The following ADAMTS19 variants were observed in gnomAD, a reference collection of about 807,000 sequenced individuals.
ADAMTS19 encodes ADAM metallopeptidase with thrombospondin type 1 motif 19.
Under a neutral mutation model 153.3 loss-of-function variants are expected in ADAMTS19, and 93 were observed. The ratio of observed to expected loss-of-function variants is 0.61; its 90% CI spans 0.51 to 0.72. The LOEUF is 0.72. Ranked by LOEUF, ADAMTS19 falls within the 30% of genes least tolerant of loss-of-function variation. The pLI, the probability that ADAMTS19 is intolerant of heterozygous loss-of-function variation, is 0.00. For synonymous variants in ADAMTS19, 600 were observed against 556.6 expected, an observed-to-expected ratio of 1.08 and a Z score of -1.10; for missense variants, 1,482 against 1,552.1, an observed-to-expected ratio of 0.95 and a Z score of 0.76.
chr5:129,534,037 G>C (rs1389596629), intron 6 of ADAMTS19, among the ~76,000 whole-genome samples: 1 of 152,098 alleles, frequency 6.6e-6, no homozygotes, highest in Non-Finnish European at 1.5e-5. Flanking sequence ...TTTTGGAACA[G>C]GTGTGGTGTG....
At chr5:129,525,104 A>G (rs1196069825) in intron 3 of ADAMTS19, among the ~76,000 whole-genome samples, 1 of 152,232 alleles carries the variant, frequency 6.6e-6, no homozygotes, top group African/African-American at 2.4e-5. Context: ...TTTGAATTTT[A>G]AAAATAGTGC....
chr5:129,707,071 G>T (rs1000028984), intron 21 of ADAMTS19, among the ~76,000 whole-genome samples: 1 of 152,106 alleles, frequency 6.6e-6, no homozygotes, highest in Non-Finnish European at 1.5e-5. Flanking sequence ...TGAACTACAC[G>T]GATATACATA....
intron 7 of ADAMTS19, among the ~76,000 whole-genome samples, chr5:129,564,447 A>G (rs967697276): frequency 3.3e-5 from 5 of 152,228 alleles, no homozygotes; most frequent in Admixed American, 3.3e-4. Flanking sequence ...AAACAAGTCC[A>G]CCTTGGATGC....
chr5:129,599,824 G>A (rs1030087693), intron 8 of ADAMTS19, among the ~76,000 whole-genome samples: 2 of 152,098 alleles, frequency 1.3e-5, no homozygotes, highest in African/African-American at 4.8e-5. Flanking sequence ...AAAATCAATA[G>A]AGATGTGCCA....
At chr5:129,595,566 A>T (rs1416120075) in intron 7 of ADAMTS19, among the ~76,000 whole-genome samples, 1 of 152,146 alleles carries the variant, frequency 6.6e-6, no homozygotes, top group East Asian at 1.9e-4. Context: ...TTTTTTTTAG[A>T]AACAAAATAT....
chr5:129,476,111 C>G (rs1750215883), intron 2 of ADAMTS19, among the ~76,000 whole-genome samples: 1 of 151,490 alleles, frequency 6.6e-6, no homozygotes, highest in Admixed American at 6.6e-5. Flanking sequence ...TGATTTGAAC[C>G]CTGACCCTAA....
At chr5:129,497,342 C>A (rs760510527) in intron 2 of ADAMTS19, among the ~76,000 whole-genome samples, 4 of 152,002 alleles carry the variant, frequency 2.6e-5, no homozygotes, top group African/African-American at 9.7e-5. Context: ...TGATCTTAGG[C>A]CCTGTTCTGT....
intron 2 of ADAMTS19, among the ~76,000 whole-genome samples, chr5:129,491,879 G>A (rs966954992): frequency 6.6e-6 from 1 of 152,060 alleles, no homozygotes; most frequent in Non-Finnish European, 1.5e-5. Flanking sequence ...CACAATATTT[G>A]CATTTTCTTG....
At position 129,658,724 on chromosome 5, in the gene ADAMTS19, C is replaced by T; in HGVS notation, c.2412C>T (p.His804=). 1 of 1,608,570 alleles carries T rather than the reference C, an allele frequency of 6.2e-7. No individual in the cohort carries two copies. The highest frequency in any genetic ancestry group is 8.5e-7 in the Non-Finnish European group (1 of 1,177,554). Reference sequence around the variant, plus strand: ...AGATCATTAAAGGGGATTTTAATCACACCAGAGGAGCAGGTAATTTTTCTT... The same window carrying T: ...AGATCATTAAAGGGGATTTTAATCATACCAGAGGAGCAGGTAATTTTTCTT... ...SCKIIKGDFN[H]TRGAGYVEVL... Residue 804 remains histidine (H), a synonymous_variant, in exon 15 of 23, where the codon CAC becomes CAT. Transcript: ENST00000274487.
At chr5:129,551,242 G>T (rs1227422688) in intron 6 of ADAMTS19, among the ~76,000 whole-genome samples, 1 of 151,552 alleles carries the variant, frequency 6.6e-6, no homozygotes, top group Admixed American at 6.6e-5. Context: ...ATTAAATTTT[G>T]CTCTATGAAA....
intron 15 of ADAMTS19, among the ~76,000 whole-genome samples, chr5:129,664,960 G>A (rs562250301): frequency 6.6e-6 from 1 of 152,062 alleles, no homozygotes; most frequent in Non-Finnish European, 1.5e-5. Context: ...ATTGCTTGGC[G>A]CGACCTTACA....
At chr5:129,675,983 T>C (rs1754532296) in intron 16 of ADAMTS19, among the ~76,000 whole-genome samples, 1 of 152,100 alleles carries the variant, frequency 6.6e-6, no homozygotes, top group Non-Finnish European at 1.5e-5. Context: ...ACCTCTGCAA[T>C]GAGATGGCGC....
chr5:129,637,334 T>G (rs192699840), intron 10 of ADAMTS19, among the ~76,000 whole-genome samples: 3 of 152,322 alleles, frequency 2.0e-5, no homozygotes, highest in Non-Finnish European at 4.4e-5. Flanking sequence ...CAAACTTACC[T>G]GTATTCTGAG....
chr5:129,476,063 T>A (rs76378587), intron 2 of ADAMTS19, among the ~76,000 whole-genome samples: 1 of 152,160 alleles, frequency 6.6e-6, no homozygotes, highest in East Asian at 2.0e-4. Context: ...AGAGAATTGG[T>A]AGGGTGTGTT....
rs1487963313 is a variant in ADAMTS19 at position 129,720,343 on chromosome 5, TC to T, written c.3313-14588del. Among the ~76,000 whole-genome samples, 13 of 151,442 alleles carry T rather than the reference TC, an allele frequency of 8.6e-5. No homozygotes were observed. In the East Asian group the frequency reaches 2.6e-3, roughly 30 times the overall value. Reference sequence around the variant, plus strand: ...TCCGCCACCACGCCCGGCTGATTTTTCTATTTTAGTAGAAACAGGGTTTCAC... The same window carrying T: ...TCCGCCACCACGCCCGGCTGATTTTTTATTTTAGTAGAAACAGGGTTTCAC... On this transcript the variant is annotated intron_variant, in intron 21 of 22. Coordinates refer to ENST00000274487, the MANE Select transcript of ADAMTS19 (RefSeq NM_133638.6).
chr5:129,461,354 C>A lies in ADAMTS19; in HGVS notation c.344C>A (p.Ser115Ter). The change falls in exon 2 of 23, where the codon TCG becomes TAG. Residue 115 changes from serine (S) to a stop codon, truncating the protein, a stop_gained. Transcript: ENST00000274487. LOFTEE classifies it high-confidence loss of function. This position sits in a 1 kb window ranked among gnomAD's most constrained non-coding sequence, Gnocchi z 4.6. Reference sequence around the variant, plus strand: ...TCCCGGCTCCGGCCCCCGCCGCCGTCGGAGGGTGAGGAGGACGAGGAGCTC... The same window carrying A: ...TCCCGGCTCCGGCCCCCGCCGCCGTAGGAGGGTGAGGAGGACGAGGAGCTC... ...SESRLRPPPP[S>*]EGEEDEELES... 7.5e-7 allele frequency: 1 copy of A among 1,336,250 alleles called. No individual in the cohort carries two copies. The highest frequency in any genetic ancestry group is 9.5e-7 in the Non-Finnish European group (1 of 1,053,090). The allele number at this position is 1,336,250 out of a possible 1,614,324, so 82.8% of individuals were successfully genotyped here.
intron 8 of ADAMTS19, among the ~76,000 whole-genome samples, chr5:129,605,413 G>GCCTTT (rs1269335505): frequency 6.6e-6 from 1 of 152,146 alleles, no homozygotes; most frequent in Non-Finnish European, 1.5e-5. Flanking sequence ...TGGGGACTTG[G>GCCTTT]CCTTTCCTTT....
intron 16 of ADAMTS19, among the ~76,000 whole-genome samples, chr5:129,671,718 C>G (rs1437211091): frequency 6.6e-6 from 1 of 152,030 alleles, no homozygotes; most frequent in Non-Finnish European, 1.5e-5. Flanking sequence ...TCTGAAGATT[C>G]TGGCATTATT....
At chr5:129,710,770 CAGTG>C (rs1196046995) in intron 21 of ADAMTS19, among the ~76,000 whole-genome samples, 1 of 152,176 alleles carries the variant, frequency 6.6e-6, no homozygotes, top group African/African-American at 2.4e-5. Flanking sequence ...AAGGAAAACT[CAGTG>C]AGTCTTTGAA....
Sources: gnomAD v4.1 joint callset for allele counts (sites outside exome capture counted in the v4.1 genomes callset) on GRCh38, gnomAD v4.1.1 for gene constraint, Gnocchi (gnomAD v3.1) non-coding constraint, MANE v1.5 for transcripts, NCBI Gene and HGNC (gene_info 2026-07-23, HGNC 2026-07-21) for gene names.